PHIP: variants seen among roughly 807,000 people sequenced by gnomAD.
PHIP encodes PHIP subunit of CUL4-Ring ligase complex.
A neutral mutation model predicts 236.8 loss-of-function variants in PHIP; 54 were observed. The observed-to-expected ratio is 0.23, with a 90% CI of 0.18 to 0.29. PHIP has a LOEUF of 0.29. Among genes scored for constraint, PHIP ranks in the 10% least tolerant of loss-of-function variants. The pLI is 1.00. For synonymous variants in PHIP, 756 were observed against 718.9 expected, an observed-to-expected ratio of 1.05 and a Z score of -0.83; for missense variants, 1,370 against 2,190.8, an observed-to-expected ratio of 0.63 and a Z score of 7.48.
At chr6:79,015,027 T>C in intron 15 of PHIP, 55 bp downstream of exon 15, 2 of 1,476,344 alleles carry the variant, frequency 1.4e-6, no homozygotes, top group Non-Finnish European at 1.9e-6. Flanking sequence ...AGAGTACCTT[T>C]GTCAAAAAGC....
At position 78,947,705 on chromosome 6, in the gene PHIP, T is replaced by C; in HGVS notation, c.4124A>G (p.Tyr1375Cys). 1 of 1,583,680 alleles carries C rather than the reference T, an allele frequency of 6.3e-7. No individual in the cohort carries two copies. Among genetic ancestry groups the C allele is most frequent in the Non-Finnish European group, 8.7e-7 (1 of 1,152,506 alleles). The stretch of plus-strand genomic sequence containing the variant: ...TTTACATAACTCCATTGGTGACTCA[T>C]AATTCCCAGCCTCTAAAGTTTCTCT... ...TVRETLEAGN[Y>C]ESPMELCKDV... The change falls in exon 36 of 40, where the codon TAT becomes TGT. Residue 1375 changes from tyrosine to cysteine, a missense_variant. Coordinates refer to ENST00000275034, the MANE Select transcript of PHIP (RefSeq NM_017934.7).
chr6:79,077,757 G>C, intron 2 of PHIP, 28 bp from the exon 3 acceptor site: 1 of 980,968 alleles, frequency 1.0e-6, no homozygotes, highest in South Asian at 4.5e-5. Flanking sequence ...GGAGAGCTGA[G>C]CCCCGCGCCC....
At chr6:79,037,795 T>C (rs909484705) in intron 7 of PHIP, among the ~76,000 whole-genome samples, 2 of 152,212 alleles carry the variant, frequency 1.3e-5, no homozygotes, top group African/African-American at 4.8e-5. Context: ...CATTTTTATA[T>C]CTCAAATTGC....
intron 7 of PHIP, among the ~76,000 whole-genome samples, chr6:79,032,747 C>G (rs1771735589): frequency 6.6e-6 from 1 of 151,360 alleles, no homozygotes; most frequent in South Asian, 2.1e-4. Flanking sequence ...TGACCTCCTC[C>G]CAAGAATCAC....
chr6:79,046,829 T>G (rs908495899), intron 6 of PHIP, among the ~76,000 whole-genome samples: 1 of 149,148 alleles, frequency 6.7e-6, no homozygotes, highest in African/African-American at 2.5e-5. Context: ...TAAGTTGAGA[T>G]CATGCCACTG....
chr6:79,023,144 T>A (rs575237305), intron 9 of PHIP, among the ~76,000 whole-genome samples: 2 of 152,320 alleles, frequency 1.3e-5, no homozygotes, highest in African/African-American at 4.8e-5. Flanking sequence ...AGTGGTGAGA[T>A]CACAGCTCAC....
chr6:79,066,439 A>G (rs889879254), intron 4 of PHIP, among the ~76,000 whole-genome samples: 20 of 152,230 alleles, frequency 1.3e-4, no homozygotes, highest in Non-Finnish European at 2.5e-4. Context: ...AACACAGCAC[A>G]TAAGAGAGTC....
intron 17 of PHIP, among the ~76,000 whole-genome samples, chr6:79,000,384 G>A (rs979641235): frequency 6.6e-6 from 1 of 152,010 alleles, no homozygotes; most frequent in Non-Finnish European, 1.5e-5. Context: ...TCAGAGCTGA[G>A]GTTAGAGTCC....
In PHIP at chr6:78,961,736, T is replaced by C. The variant is rs764645984; in HGVS notation, c.3610A>G (p.Thr1204Ala). The stretch of plus-strand genomic sequence containing the variant: ...CTTTGTTTAATTGTACTTAGATCCG[T>C]TGGATATGCCACTACTGTGCAATAC... ...PMYCTVVAYPTDLSTIKQRLE... is the reference protein window; with the variant it reads ...PMYCTVVAYPADLSTIKQRLE... The change falls in exon 31 of 40, where the codon ACG becomes GCG. Residue 1204 changes from threonine to alanine, a missense_variant. Around this residue, in one of 14 missense-constraint regions of PHIP, gnomAD observed 238 missense variants for 398.5 expected, o/e 0.60. Coordinates refer to ENST00000275034, the MANE Select transcript of PHIP (RefSeq NM_017934.7). 5.0e-6 allele frequency: 8 copies of C among 1,612,664 alleles called. No individual in the cohort carries two copies. The highest frequency in any genetic ancestry group is 1.7e-4 in the Middle Eastern group (1 of 6,056).
chr6:79,024,407 T>C (rs1472318831), intron 9 of PHIP, among the ~76,000 whole-genome samples: 1 of 152,210 alleles, frequency 6.6e-6, no homozygotes, highest in Non-Finnish European at 1.5e-5. Context: ...ATTTCAACAC[T>C]GTGAAATCAA....
At chr6:79,026,875 G>A (rs548115070) in intron 7 of PHIP, among the ~76,000 whole-genome samples, 4 of 151,526 alleles carry the variant, frequency 2.6e-5, no homozygotes, top group Non-Finnish European at 5.9e-5. Flanking sequence ...ATATAAGAAA[G>A]TAGAAAGAAT....
chr6:79,015,816 T>A, intron 13 of PHIP, 33 bp from the exon 14 acceptor site: 1 of 1,546,770 alleles, frequency 6.5e-7, no homozygotes, highest in Non-Finnish European at 8.8e-7. Context: ...CACTGACTAT[T>A]AAAATACTGA....
intron 19 of PHIP, among the ~76,000 whole-genome samples, chr6:78,991,333 C>A (rs942954536): frequency 6.8e-6 from 1 of 147,322 alleles, no homozygotes; most frequent in Non-Finnish European, 1.5e-5. Flanking sequence ...TAGGATAGGG[C>A]CTATGCTTTG....
chr6:78,942,719 T>A (rs1379538483), intron 39 of PHIP, among the ~76,000 whole-genome samples: 2 of 152,182 alleles, frequency 1.3e-5, no homozygotes, highest in South Asian at 4.1e-4. Context: ...TTGTTTTACA[T>A]TATGACTACA....
chr6:78,965,090 C>T (rs949777600), intron 29 of PHIP, among the ~76,000 whole-genome samples: 15 of 152,096 alleles, frequency 9.9e-5, no homozygotes, highest in African/African-American at 3.6e-4. Context: ...ATGTGTCAGG[C>T]CATATGCATA....
intron 6 of PHIP, among the ~76,000 whole-genome samples, chr6:79,052,018 G>C (rs1414865667): frequency 1.3e-5 from 2 of 151,804 alleles, no homozygotes; most frequent in Non-Finnish European, 2.9e-5. Context: ...GAATAAGAGG[G>C]AAAAAGAAAA....
At chr6:79,036,921 CAAAAAA>C (rs34875528) in intron 7 of PHIP, among the ~76,000 whole-genome samples, 1 of 38,950 alleles carries the variant, frequency 2.6e-5, no homozygotes, top group South Asian at 1.5e-3. Flanking sequence ...GACTCCGTCT[CAAAAAA>C]AAAAAAAAAA....
At chr6:79,053,231 T>C (rs1453102662) in intron 6 of PHIP, among the ~76,000 whole-genome samples, 1 of 152,140 alleles carries the variant, frequency 6.6e-6, no homozygotes, top group Non-Finnish European at 1.5e-5. Context: ...GGAGAATGGC[T>C]TGAACCTGGG....
rs1768643964 is a variant in PHIP at position 78,983,114 on chromosome 6, G to A, written c.2541C>T (p.Asp847=). 1 of 1,546,112 alleles carries A rather than the reference G, an allele frequency of 6.5e-7. No individual in the cohort carries two copies. The highest frequency in any genetic ancestry group is 8.8e-7 in the Non-Finnish European group (1 of 1,134,150). ...TCCAGTCAGAGTAATCACTGGAGTA[G>A]TCACTAGAAGGAGAGAAGGGATTAT... ...RAWHSDGSSS[D]YSSDYSDWTA... is the part of the protein sequence containing the mutation. The change falls in exon 23 of 40, where the codon GAC becomes GAT. Residue 847 remains aspartate (D), a synonymous_variant. Coordinates refer to ENST00000275034, the MANE Select transcript of PHIP (RefSeq NM_017934.7).
Sources: allele counts gnomAD v4.1 joint callset (sites outside exome capture counted in the v4.1 genomes callset), GRCh38; gene constraint gnomAD v4.1.1; regional missense constraint gnomAD v4.1.1; transcripts MANE v1.5; gene names NCBI Gene and HGNC (gene_info 2026-07-23, HGNC 2026-07-21).